The following C8A variants were observed in gnomAD, a reference collection of about 807,000 sequenced individuals.
The protein encoded by C8A is complement component C8 alpha chain.
C8A carries 67 observed loss-of-function variants against 65.3 expected under a neutral mutation model. The observed-to-expected ratio is 1.03, with a 90% CI of 0.84 to 1.26. The LOEUF is 1.26. C8A is among the 50% of genes most tolerant of loss of function. The probability of loss-of-function intolerance (pLI) is 0.00; values close to 1 mark genes in which losing one functional copy is unlikely to be tolerated. For synonymous variants in C8A, 290 were observed against 259.4 expected, an observed-to-expected ratio of 1.12 and a Z score of -1.13; for missense variants, 781 against 723.9, an observed-to-expected ratio of 1.08 and a Z score of -0.90.
intron 7 of C8A, among the ~76,000 whole-genome samples, chr1:56,900,179 C>T (rs538681872): frequency 6.6e-6 from 1 of 152,246 alleles, no homozygotes; most frequent in East Asian, 1.9e-4. Flanking sequence ...TTCAGGACTA[C>T]CATTGGCTAC....
In C8A at chr1:56,886,046, C is replaced by A; in HGVS notation, c.975C>A (p.Tyr325Ter). ...CATTAATGGAGCTTCCAGATCAGTACAATTATGGCATGTATGCCAAGTTCA... is the reference window on the plus strand; with the variant it reads ...CATTAATGGAGCTTCCAGATCAGTAAAATTATGGCATGTATGCCAAGTTCA... ...LQSLMELPDQ[Y>*]NYGMYAKFIN... is the part of the protein sequence containing the mutation. Residue 325 changes from tyrosine (Y) to a stop codon, truncating the protein, a stop_gained, in exon 7 of 11, where the codon TAC (tyrosine) becomes TAA (stop). Coordinates refer to ENST00000361249, the MANE Select transcript of C8A (RefSeq NM_000562.3). LOFTEE classifies it high-confidence loss of function. 1 of 1,614,034 alleles carries A rather than the reference C, an allele frequency of 6.2e-7. No homozygotes were observed. The highest frequency in any genetic ancestry group is 1.3e-5 in the African/African-American group (1 of 75,042).
intron 2 of C8A, among the ~76,000 whole-genome samples, chr1:56,868,908 A>G (rs979461577): frequency 6.6e-6 from 1 of 152,224 alleles, no homozygotes; most frequent in Admixed American, 6.5e-5. Context: ...GTATAAAAGT[A>G]CCTACTTTCT....
At chr1:56,894,752 G>A (rs1484223149) in intron 7 of C8A, among the ~76,000 whole-genome samples, 1 of 152,060 alleles carries the variant, frequency 6.6e-6, no homozygotes, top group East Asian at 1.9e-4. Flanking sequence ...CACATAACAT[G>A]GGAAACACTG....
chr1:56,908,213 C>T lies in C8A; in HGVS notation c.1380+100C>T, dbSNP rs1644482360. ...TTCTTATTATGAGCCCATCAAAGAA[C>T]AAGATTAAATGTAATGGCACACTGA... On this transcript the variant is annotated intron_variant, in intron 9 of 10. Coordinates refer to ENST00000361249, the MANE Select transcript of C8A (RefSeq NM_000562.3). 2.2e-6 allele frequency: 3 copies of T among 1,355,940 alleles called. No homozygotes were observed. In the East Asian group the frequency reaches 6.9e-5, roughly 31 times the overall value. 84.0% of individuals were successfully genotyped at this position (1,355,940 alleles called of 1,614,324 possible).
intron 7 of C8A, among the ~76,000 whole-genome samples, chr1:56,895,089 G>T (rs1644378702): frequency 1.3e-5 from 2 of 152,086 alleles, no homozygotes; most frequent in Non-Finnish European, 2.9e-5. Flanking sequence ...ATCCAAAGAG[G>T]TTAAGTAAAT....
intron 10 of C8A, among the ~76,000 whole-genome samples, chr1:56,913,756 G>T (rs72915427): frequency 0.065 from 9,908 of 152,198 alleles, 551 homozygotes; most frequent in African/African-American, 0.14. Context: ...AAAACACAAA[G>T]GGAAAAACAA....
chr1:56,864,561 A>G (rs1644066073), intron 1 of C8A, among the ~76,000 whole-genome samples: 1 of 152,108 alleles, frequency 6.6e-6, no homozygotes, highest in Non-Finnish European at 1.5e-5. Context: ...GACTTGGAGG[A>G]GGAGTTGTTT....
intron 2 of C8A, among the ~76,000 whole-genome samples, chr1:56,871,100 T>C (rs2101208193): frequency 6.6e-6 from 1 of 152,328 alleles, no homozygotes; most frequent in African/African-American, 2.4e-5. Context: ...ATTCCCAGTA[T>C]AGATACTATA....
chr1:56,905,065 C>G (rs1644453535), intron 7 of C8A, among the ~76,000 whole-genome samples: 1 of 152,130 alleles, frequency 6.6e-6, no homozygotes, highest in Non-Finnish European at 1.5e-5. Context: ...ATTTTTTAAT[C>G]AAAACAATTA....
chr1:56,881,105 T>C (rs1275823740), intron 4 of C8A, among the ~76,000 whole-genome samples: 1 of 152,198 alleles, frequency 6.6e-6, no homozygotes, highest in Admixed American at 6.5e-5. Context: ...CCATTTAGTC[T>C]CCAAGTGTTA....
Position 56,912,412 on chromosome 1 carries a change from A to G in C8A, c.1390A>G (p.Ile464Val). The part of the protein sequence containing the change: ...PVVIDFEMQP[I>V]HEVLRHTSLG... ...CTTTCTGTGCCCACAGATGCAGCCT[A>G]TCCACGAGGTGCTGCGGCACACAAG... The change falls in exon 10 of 11, where the codon ATC becomes GTC. Residue 464 changes from isoleucine (I) to valine (V), a missense_variant. By Grantham distance (29) the Ile-to-Val change is conservative. Coordinates refer to ENST00000361249, the MANE Select transcript of C8A (RefSeq NM_000562.3). 1 of 1,614,116 alleles carries G rather than the reference A, an allele frequency of 6.2e-7. No homozygotes were observed. The highest frequency in any genetic ancestry group is 1.1e-5 in the South Asian group (1 of 91,082).
chr1:56,886,550 A>G (rs996625267), intron 7 of C8A, among the ~76,000 whole-genome samples: 2 of 152,170 alleles, frequency 1.3e-5, no homozygotes, highest in Admixed American at 6.5e-5. Flanking sequence ...ACTTACATTC[A>G]TCTCAGACTC....
At chr1:56,869,628 C>G (rs767261086) in intron 2 of C8A, among the ~76,000 whole-genome samples, 1 of 152,128 alleles carries the variant, frequency 6.6e-6, no homozygotes, top group Non-Finnish European at 1.5e-5. Flanking sequence ...TATATTGCCA[C>G]CAGTAGTGTA....
chr1:56,861,102 G>A (rs1297103339), intron 1 of C8A, among the ~76,000 whole-genome samples: 5 of 152,110 alleles, frequency 3.3e-5, no homozygotes, highest in Non-Finnish European at 5.9e-5. Flanking sequence ...TCTGGTGAGA[G>A]CTTTTTTATT....
intron 4 of C8A, among the ~76,000 whole-genome samples, chr1:56,876,741 G>A (rs1412946170): frequency 1.3e-5 from 2 of 152,072 alleles, no homozygotes; most frequent in Non-Finnish European, 2.9e-5. Context: ...CTGTTGAGAT[G>A]AAATCAGCCT....
At chr1:56,868,228 G>C (rs886809633) in intron 2 of C8A, among the ~76,000 whole-genome samples, 1 of 151,750 alleles carries the variant, frequency 6.6e-6, no homozygotes, top group Non-Finnish European at 1.5e-5. Flanking sequence ...CATATGAAGG[G>C]AAGAGGGATG....
At chr1:56,901,780 T>C (rs1360607359) in intron 7 of C8A, among the ~76,000 whole-genome samples, 1 of 152,082 alleles carries the variant, frequency 6.6e-6, no homozygotes, top group Non-Finnish European at 1.5e-5. Flanking sequence ...TCCCTACTTG[T>C]TCTACTTGTC....
chr1:56,859,326 C>A (rs1644008076), intron 1 of C8A, among the ~76,000 whole-genome samples: 1 of 152,158 alleles, frequency 6.6e-6, no homozygotes, highest in Admixed American at 6.5e-5. Context: ...CACTAGGGTA[C>A]AATGGTGAGC....
chr1:56,915,313 G>C (rs1402173560), intron 10 of C8A, among the ~76,000 whole-genome samples: 1 of 152,158 alleles, frequency 6.6e-6, no homozygotes, highest in African/African-American at 2.4e-5. Context: ...GGAGCATGCA[G>C]AGAATACAAA....
Sources: allele counts gnomAD v4.1 joint callset (sites outside exome capture counted in the v4.1 genomes callset), GRCh38; gene constraint gnomAD v4.1.1; transcripts MANE v1.5; gene names NCBI Gene and HGNC (gene_info 2026-07-23, HGNC 2026-07-21).